Variants in MAP2K2 observed in about 807,000 individuals in gnomAD.
MAP2K2 encodes mitogen-activated protein kinase kinase 2.
A neutral mutation model predicts 43.7 loss-of-function variants in MAP2K2; 24 were observed. That is an observed-to-expected ratio of 0.55 (90% CI 0.40 to 0.77). The LOEUF (loss-of-function observed/expected upper bound fraction) is 0.77, where lower values mean the gene tolerates loss of function less well. MAP2K2 is among the 30% of genes least tolerant of loss of function. The pLI is 0.00. For missense variants in MAP2K2, 470 were observed against 566.8 expected, an observed-to-expected ratio of 0.83 and a Z score of 1.73; for synonymous variants, 244 against 239.7, an observed-to-expected ratio of 1.02 and a Z score of -0.17.
chr19:4,105,155 C>CGT (rs61710801), intron 3 of MAP2K2, among the ~76,000 whole-genome samples: 3,133 of 137,686 alleles, frequency 0.023, 63 homozygotes, highest in African/African-American at 0.048. Context: ...ACACGTCTAC[C>CGT]GTGTGTGTGT....
At chr19:4,118,528 G>A (rs1259355567) in intron 1 of MAP2K2, among the ~76,000 whole-genome samples, 2 of 152,172 alleles carry the variant, frequency 1.3e-5, no homozygotes, top group Admixed American at 6.5e-5. Flanking sequence ...GCAGTGAACT[G>A]AGATCTTGCC....
chr19:4,094,004 A>C (rs1377912226), intron 10 of MAP2K2, among the ~76,000 whole-genome samples: 1 of 152,086 alleles, frequency 6.6e-6, no homozygotes, highest in Non-Finnish European at 1.5e-5. Flanking sequence ...AGGATATCAG[A>C]GGATGGGGGT....
intron 1 of MAP2K2, among the ~76,000 whole-genome samples, chr19:4,119,093 G>A (rs537841890): frequency 1.3e-5 from 2 of 152,250 alleles, no homozygotes; most frequent in Admixed American, 6.5e-5. Flanking sequence ...GGGGTGCAGC[G>A]GCACGATTAC....
chr19:4,122,528 C>G (rs2041314611), intron 1 of MAP2K2, among the ~76,000 whole-genome samples: 1 of 133,382 alleles, frequency 7.5e-6, no homozygotes, highest in Non-Finnish European at 1.6e-5. Context: ...CACCCCTTGC[C>G]TATCCTTCCC....
intron 7 of MAP2K2, among the ~76,000 whole-genome samples, chr19:4,097,703 C>T (rs942511190): frequency 1.6e-4 from 25 of 152,168 alleles, no homozygotes; most frequent in African/African-American, 5.6e-4. Flanking sequence ...CAAGGACAGC[C>T]GCGTGACCTT....
At chr19:4,109,208 C>T (rs905362390) in intron 3 of MAP2K2, among the ~76,000 whole-genome samples, 1 of 152,230 alleles carries the variant, frequency 6.6e-6, no homozygotes, top group Non-Finnish European at 1.5e-5. Flanking sequence ...GCATTTCCTC[C>T]GGGGTTTTGA....
chr19:4,114,358 G>A (rs910083968), intron 2 of MAP2K2, among the ~76,000 whole-genome samples: 4 of 152,176 alleles, frequency 2.6e-5, no homozygotes, highest in Admixed American at 6.5e-5. Flanking sequence ...CAGCGGCTTC[G>A]ACTCAGGTCG....
intron 2 of MAP2K2, among the ~76,000 whole-genome samples, chr19:4,114,659 C>T (rs570718221): frequency 4.3e-4 from 66 of 152,194 alleles, no homozygotes; most frequent in African/African-American, 1.5e-3. Flanking sequence ...CCTCAAATAC[C>T]GAGACTGGGC....
At position 4,090,561 on chromosome 19, in the gene MAP2K2, G is replaced by A. The variant is rs1355407398; in HGVS notation, c.*37C>T. ...GGCGGGGCATGGACAGGGACGGTGG[G>A]CAGGTCACCAGCGGGACGCAGGGAG... is the stretch of plus-strand genomic sequence containing the variant. On this transcript the variant is annotated 3_prime_UTR_variant, in exon 11 of 11. Coordinates refer to ENST00000262948, the MANE Select transcript of MAP2K2 (RefSeq NM_030662.4). 6.7e-7 allele frequency: 1 copy of A among 1,488,152 alleles called. No homozygotes were observed. Among genetic ancestry groups the A allele is most frequent in the East Asian group, 2.5e-5 (1 of 40,594 alleles). 92.2% of individuals were successfully genotyped at this position (1,488,152 alleles called of 1,614,324 possible).
At chr19:4,095,282 C>T in intron 9 of MAP2K2, 106 bp downstream of exon 9, 2 of 996,514 alleles carry the variant, frequency 2.0e-6, no homozygotes, top group Non-Finnish European at 3.0e-6. Flanking sequence ...TAACGCTGCA[C>T]TGGGATTCTG....
chr19:4,119,331 C>T (rs1443647894), intron 1 of MAP2K2, among the ~76,000 whole-genome samples: 1 of 152,152 alleles, frequency 6.6e-6, no homozygotes, highest in Non-Finnish European at 1.5e-5. Flanking sequence ...AAGCAATTCT[C>T]CTGCCTCAGC....
chr19:4,097,065 G>C (rs1004740696), intron 8 of MAP2K2, among the ~76,000 whole-genome samples: 2 of 150,084 alleles, frequency 1.3e-5, no homozygotes, highest in Non-Finnish European at 3.0e-5. Flanking sequence ...GTGGTGGTGC[G>C]CACCTGTAAT....
chr19:4,098,256 C>G (rs1313422109), intron 7 of MAP2K2, among the ~76,000 whole-genome samples: 2 of 152,118 alleles, frequency 1.3e-5, no homozygotes, highest in Non-Finnish European at 2.9e-5. Flanking sequence ...CCAGGACAGG[C>G]CAGTCCAGAG....
intron 3 of MAP2K2, among the ~76,000 whole-genome samples, chr19:4,105,270 C>CTT (rs760235658): frequency 2.2e-5 from 3 of 137,304 alleles, no homozygotes; most frequent in East Asian, 2.1e-4. Flanking sequence ...ATTTTTCTTT[C>CTT]TTTTTTTTTT....
chr19:4,120,063 G>A (rs757902176), intron 1 of MAP2K2, among the ~76,000 whole-genome samples: 17 of 152,312 alleles, frequency 1.1e-4, no homozygotes, highest in Non-Finnish European at 2.1e-4. Context: ...CATCGTCCCC[G>A]GAGGCCCAGG....
chr19:4,097,008 A>G (rs1255489501), intron 8 of MAP2K2, among the ~76,000 whole-genome samples: 1 of 141,046 alleles, frequency 7.1e-6, no homozygotes, highest in Non-Finnish European at 1.5e-5. Context: ...CCACTGCACT[A>G]CAAAGCTAGA....
At position 4,120,242 on chromosome 19, in the gene MAP2K2, G is replaced by C. The variant is rs954530395; in HGVS notation, c.93-2613C>G. On this transcript the variant is annotated intron_variant, in intron 1 of 10. Coordinates refer to ENST00000262948, the MANE Select transcript of MAP2K2 (RefSeq NM_030662.4). ...CAAGGACCCAGAAGAAGCAGAAATG[G>C]CGAGACCCTGGGAGTGGGACAGAAG... Among the ~76,000 whole-genome samples the C allele has an allele frequency of 9.2e-5, 14 of 152,342 alleles. 1 individual carries two copies. Among genetic ancestry groups the C allele is most frequent in the Admixed American group, 2.6e-4 (4 of 15,304 alleles).
At chr19:4,114,125 A>G (rs1264706193) in intron 2 of MAP2K2, among the ~76,000 whole-genome samples, 2 of 152,098 alleles carry the variant, frequency 1.3e-5, no homozygotes, top group African/African-American at 2.4e-5. Context: ...TCATCTCTAC[A>G]AGAGATTTTA....
chr19:4,102,487 G>A, intron 3 of MAP2K2, 34 bp from the exon 4 acceptor site: 1 of 1,510,742 alleles, frequency 6.6e-7, no homozygotes, highest in South Asian at 1.2e-5. Flanking sequence ...TGCAGGCTCT[G>A]CGCAGGTGGC....
Sources: allele counts gnomAD v4.1 joint callset (sites outside exome capture counted in the v4.1 genomes callset), GRCh38; gene constraint gnomAD v4.1.1; transcripts MANE v1.5; gene names NCBI Gene and HGNC (gene_info 2026-07-23, HGNC 2026-07-21).